The following WDPCP variants were observed in gnomAD, a reference collection of about 807,000 sequenced individuals.
WDPCP encodes WD repeat-containing and planar cell polarity effector protein fritz homolog.
In WDPCP, 71 loss-of-function variants were observed where a neutral mutation model predicts 93.1. The observed-to-expected ratio is 0.76, with a 90% CI of 0.63 to 0.93. The LOEUF is 0.93. Ranked by LOEUF, WDPCP falls within the 40% of genes least tolerant of loss-of-function variation. The pLI is 0.00. For missense variants in WDPCP, 844 were observed against 887.4 expected (o/e 0.95, Z 0.62); for synonymous variants, 315 against 315.0 (o/e 1.00, Z 0.00).
chr2:63,231,448 A>T (rs1047156619), intron 14 of WDPCP, among the ~76,000 whole-genome samples: 1 of 152,186 alleles, frequency 6.6e-6, no homozygotes, highest in African/African-American at 2.4e-5. Context: ...CTCAGCCCAA[A>T]ATCTCCTTAA....
At chr2:63,362,488 G>C (rs1030934359) in intron 12 of WDPCP, among the ~76,000 whole-genome samples, 1 of 151,912 alleles carries the variant, frequency 6.6e-6, no homozygotes, top group Admixed American at 6.6e-5. Flanking sequence ...GTACTGCCAG[G>C]AGAACAAATT....
intron 12 of WDPCP, among the ~76,000 whole-genome samples, chr2:63,350,904 A>T (rs1031606793): frequency 1.3e-5 from 2 of 152,018 alleles, no homozygotes; most frequent in African/African-American, 4.8e-5. Context: ...AATCTAATTA[A>T]ATAATAAAAT....
chr2:63,525,910 G>A (rs962604354), intron 1 of WDPCP, among the ~76,000 whole-genome samples: 1 of 152,138 alleles, frequency 6.6e-6, no homozygotes, highest in Non-Finnish European at 1.5e-5. Context: ...TGTAATATAG[G>A]TAAGTCCCAA....
At chr2:63,413,258 A>T (rs1388395784) in intron 9 of WDPCP, among the ~76,000 whole-genome samples, 2 of 152,212 alleles carry the variant, frequency 1.3e-5, no homozygotes, top group Admixed American at 6.5e-5. Flanking sequence ...GCATACAAAA[A>T]CATACAGTGG....
At chr2:63,647,319 GT>G (rs1425369620) in intron 3 of WDPCP, among the ~76,000 whole-genome samples, 10 of 152,062 alleles carry the variant, frequency 6.6e-5, no homozygotes, top group Non-Finnish European at 1.2e-4. Context: ...TGTATTTTTA[GT>G]AGAGATGGGG....
chr2:63,492,809 G>C, intron 2 of WDPCP, 47 bp downstream of exon 2: 6 of 1,530,108 alleles, frequency 3.9e-6, no homozygotes, highest in Non-Finnish European at 5.4e-6. Context: ...ATTTATAATG[G>C]TGTAACATAT....
At chr2:63,494,919 CAAA>C (rs34227025) in intron 1 of WDPCP, among the ~76,000 whole-genome samples, 1 of 69,650 alleles carries the variant, frequency 1.4e-5, no homozygotes. Context: ...GACTCCGTCT[CAAA>C]AAAAAAAAAA....
intron 1 of WDPCP, chr2:63,571,342 G>T: frequency 2.2e-6 from 1 of 448,296 alleles, no homozygotes; most frequent in Non-Finnish European, 4.4e-6. Flanking sequence ...TTTTTTAATT[G>T]AGAGAAATAA....
chr2:63,717,932 G>A (rs1263461859), intron 2 of WDPCP: 1 of 152,326 alleles, frequency 6.6e-6, no homozygotes, highest in Non-Finnish European at 1.5e-5. Flanking sequence ...GGGGGAAACT[G>A]ACTACCAGAA....
At chr2:63,188,539 G>GATA (rs1674805780) in intron 14 of WDPCP, among the ~76,000 whole-genome samples, 1 of 150,376 alleles carries the variant, frequency 6.6e-6, no homozygotes, top group Non-Finnish European at 1.5e-5. Context: ...TTGCTATGTT[G>GATA]CCCAGGCTAG....
At chr2:63,758,867 TC>T (rs1670008957) in intron 2 of WDPCP, among the ~76,000 whole-genome samples, 1 of 152,092 alleles carries the variant, frequency 6.6e-6, no homozygotes, top group Non-Finnish European at 1.5e-5. Context: ...AACCTCAGAC[TC>T]CCGAGTTCAA....
At chr2:63,653,296 A>G (rs138422412) in intron 2 of WDPCP, among the ~76,000 whole-genome samples, 11 of 152,314 alleles carry the variant, frequency 7.2e-5, no homozygotes, top group Non-Finnish European at 1.2e-4. Flanking sequence ...TTATTGGGAC[A>G]CTGGAAGCCA....
intron 15 of WDPCP, among the ~76,000 whole-genome samples, chr2:63,159,165 CTT>C (rs535671874): frequency 1.6e-3 from 205 of 124,310 alleles, no homozygotes; most frequent in Middle Eastern, 8.1e-3. Context: ...CAAAAAAAAA[CTT>C]TTTTTTTTTT....
At chr2:63,622,500 C>T (rs972377705) in intron 3 of WDPCP, 6 of 1,613,920 alleles carry the variant, frequency 3.7e-6, no homozygotes, top group East Asian at 2.2e-5. Context: ...GTAAACACAT[C>T]GTTCCTCCAC....
chr2:63,425,648 C>G (rs1696223116), intron 9 of WDPCP, among the ~76,000 whole-genome samples: 1 of 152,118 alleles, frequency 6.6e-6, no homozygotes, highest in Non-Finnish European at 1.5e-5. Context: ...AAGACCAGTT[C>G]AAATCAACTC....
intron 17 of WDPCP, among the ~76,000 whole-genome samples, chr2:63,145,322 G>A (rs1671409812): frequency 6.7e-6 from 1 of 149,248 alleles, no homozygotes; most frequent in Non-Finnish European, 1.5e-5. Flanking sequence ...GCACTCCGAA[G>A]ATTATATGCC....
chr2:63,838,027 G>A, the WDPCP span, among the ~76,000 whole-genome samples: 1 of 152,062 alleles, frequency 6.6e-6, no homozygotes, highest in South Asian at 2.1e-4. Flanking sequence ...CTCAGGAGGT[G>A]GAGGTTGCAT....
At chr2:63,578,994 T>C (rs1708302521) in intron 1 of WDPCP, among the ~76,000 whole-genome samples, 1 of 152,192 alleles carries the variant, frequency 6.6e-6, no homozygotes, top group South Asian at 2.1e-4. Flanking sequence ...ATTTGTCTCT[T>C]ATTATCATGC....
chr2:63,741,524 T>C (rs1411488689), intron 2 of WDPCP, among the ~76,000 whole-genome samples: 2 of 152,136 alleles, frequency 1.3e-5, no homozygotes, highest in African/African-American at 4.8e-5. Context: ...CTACTTTGAA[T>C]GATTTCTGGC....
Sources: allele counts gnomAD v4.1 joint callset (sites outside exome capture counted in the v4.1 genomes callset), GRCh38; gene constraint gnomAD v4.1.1; transcripts MANE v1.5; gene names NCBI Gene and HGNC (gene_info 2026-07-23, HGNC 2026-07-21).